The following NHSL2 variants were observed in gnomAD, a reference collection of about 807,000 sequenced individuals.
NHSL2 encodes the protein NHS like 2, also known as NHS-like protein 2.
Under a neutral mutation model 53.4 loss-of-function variants are expected in NHSL2, and 27 were observed. The observed-to-expected ratio is 0.51, with a 90% CI of 0.37 to 0.70. The LOEUF is 0.70. NHSL2 is among the 30% of genes least tolerant of loss of function. The pLI, the probability that NHSL2 is intolerant of heterozygous loss-of-function variation, is 0.00. For synonymous variants in NHSL2, 408 were observed against 404.1 expected (o/e 1.01, Z -0.12); for missense variants, 892 against 980.1 (o/e 0.91, Z 1.20).
intron 1 of NHSL2, among the ~76,000 whole-genome samples, chrX:72,001,908 A>C (rs1388125213): frequency 8.9e-6 from 1 of 112,546 alleles, no homozygotes. Context: ...TATTTTGACA[A>C]ATTTATCATC....
intron 1 of NHSL2, among the ~76,000 whole-genome samples, chrX:71,943,078 C>T (rs2041776067): frequency 9.2e-6 from 1 of 108,441 alleles, no homozygotes; most frequent in Non-Finnish European, 1.9e-5. Context: ...GAATCTTGAA[C>T]AAGTCCTGTT....
chrX:71,936,743 G>T lies in NHSL2; in HGVS notation c.280+25376G>T, dbSNP rs187973224. On this transcript the variant is annotated intron_variant, in intron 1 of 7. Coordinates refer to ENST00000633930, the MANE Select transcript of NHSL2 (RefSeq NM_001013627.3). Reference sequence around the variant, plus strand: ...AGAGTGATGATGGTGGTGTGTGTGTGTAGTGGGGGGAGTTTGAACTGGAAG... The same window carrying T: ...AGAGTGATGATGGTGGTGTGTGTGTTTAGTGGGGGGAGTTTGAACTGGAAG... Among the ~76,000 whole-genome samples the T allele has an allele frequency of 1.9e-3, 214 of 112,039 alleles. 1 individual carries two copies. Among genetic ancestry groups the T allele is most frequent in the African/African-American group, 6.7e-3 (207 of 30,837 alleles).
At chrX:72,057,387 A>G (rs2042375361) in intron 1 of NHSL2, among the ~76,000 whole-genome samples, 1 of 112,304 alleles carries the variant, frequency 8.9e-6, no homozygotes, top group African/African-American at 3.2e-5. Flanking sequence ...TTTAATTTAC[A>G]TAAATAGTAT....
rs1346224055 is a variant in NHSL2, at chrX:72,151,122, C to A, written c.*7548C>A. On this transcript the variant is annotated 3_prime_UTR_variant, in exon 8 of 8. Transcript: ENST00000633930. ...CTCCACCTCCCGGGTTCAGGCAATTCTCCTGCCTCAGCTTCCCGAGTAGCT... is the reference window on the plus strand; with the variant it reads ...CTCCACCTCCCGGGTTCAGGCAATTATCCTGCCTCAGCTTCCCGAGTAGCT... 2 of 110,942 alleles carry A rather than the reference C, an allele frequency of 1.8e-5. No individual in the cohort carries two copies. The highest frequency in any genetic ancestry group is 3.8e-5 in the Non-Finnish European group (2 of 53,014). The allele number at this position is 110,942 out of a possible 1,213,427, so 9.1% of individuals were successfully genotyped here.
chrX:71,983,059 G>A (rs2041986812), intron 1 of NHSL2, among the ~76,000 whole-genome samples: 1 of 111,486 alleles, frequency 9.0e-6, no homozygotes, highest in African/African-American at 3.3e-5. Context: ...GAAGACATCT[G>A]TGTCTACTGT....
intron 1 of NHSL2, among the ~76,000 whole-genome samples, chrX:71,997,438 C>T (rs780491829): frequency 8.0e-5 from 9 of 112,564 alleles, no homozygotes; most frequent in Admixed American, 3.7e-4. Flanking sequence ...GCCCTCCACA[C>T]GTCCTCTGAA....
chrX:72,084,724 C>T (rs955275525), intron 1 of NHSL2, among the ~76,000 whole-genome samples: 20 of 112,185 alleles, frequency 1.8e-4, no homozygotes, highest in African/African-American at 4.2e-4. Flanking sequence ...GTCCACCACA[C>T]GGGTCTGGTC....
At chrX:72,056,553 C>T (rs1468556575) in intron 1 of NHSL2, among the ~76,000 whole-genome samples, 2 of 90,759 alleles carry the variant, frequency 2.2e-5, no homozygotes, top group African/African-American at 1.1e-4. Context: ...AACGTCTGCG[C>T]ACACACACAC....
At chrX:72,080,571 C>CGGGTGTGT (rs2041782375) in intron 1 of NHSL2, among the ~76,000 whole-genome samples, 1 of 97,110 alleles carries the variant, frequency 1.0e-5, no homozygotes, top group Non-Finnish European at 2.1e-5. Context: ...GAATTCTGCA[C>CGGGTGTGT]GTGTGTGTGT....
At chrX:72,142,485 A>T (rs759557337) in intron 7 of NHSL2, 121 bp downstream of exon 7, 349 of 565,974 alleles carry the variant, frequency 6.2e-4, no homozygotes, top group Non-Finnish European at 8.8e-4. Context: ...TAAAAATAAG[A>T]AAAACTGCTA....
chrX:72,138,692 G>A lies in NHSL2; in HGVS notation c.1144G>A (p.Gly382Arg). Residue 382 changes from glycine (G) to arginine (R), a missense_variant, in exon 6 of 8, where the codon GGA (glycine) becomes AGA (arginine). Coordinates refer to ENST00000633930, the MANE Select transcript of NHSL2 (RefSeq NM_001013627.3). Reference sequence around the variant, plus strand: ...GTACAGTGTCCCCAGTTCTTGCAATGGACCTACAGAATCAACCTTCTCCAC... The same window carrying A: ...GTACAGTGTCCCCAGTTCTTGCAATAGACCTACAGAATCAACCTTCTCCAC... ...MVYSVPSSCN[G>R]PTESTFSTSW... is the part of the protein sequence containing the mutation. 8.3e-7 allele frequency: 1 copy of A among 1,197,672 alleles called. No individual in the cohort carries two copies. Among genetic ancestry groups the A allele is most frequent in the South Asian group, 1.8e-5 (1 of 54,768 alleles).
intron 1 of NHSL2, among the ~76,000 whole-genome samples, chrX:72,081,225 G>C (rs957173648): frequency 8.9e-6 from 1 of 112,314 alleles, no homozygotes; most frequent in African/African-American, 3.2e-5. Flanking sequence ...TGGTCTTCAG[G>C]TCTTTGAGGG....
chrX:71,962,269 T>C (rs2041870959), intron 1 of NHSL2, among the ~76,000 whole-genome samples: 1 of 111,961 alleles, frequency 8.9e-6, no homozygotes, highest in African/African-American at 3.2e-5. Flanking sequence ...TATTGATCTG[T>C]AGTTCCTTTT....
intron 1 of NHSL2, chrX:72,131,486 G>T (rs1189319953): frequency 8.3e-7 from 1 of 1,204,637 alleles, no homozygotes; most frequent in East Asian, 3.0e-5. Context: ...AATTCTTCGC[G>T]CAGGGCCACA....
chrX:71,928,669 C>T (rs1367079173), intron 1 of NHSL2, among the ~76,000 whole-genome samples: 2 of 111,109 alleles, frequency 1.8e-5, no homozygotes, highest in African/African-American at 6.6e-5. Context: ...GTGCCAAGGT[C>T]GAGGGGCACC....
intron 1 of NHSL2, among the ~76,000 whole-genome samples, chrX:72,081,938 C>T (rs1199426412): frequency 1.8e-5 from 2 of 111,883 alleles, no homozygotes; most frequent in South Asian, 3.7e-4. Context: ...CCAGCAGAGC[C>T]GCGACCTCGA....
intron 1 of NHSL2, among the ~76,000 whole-genome samples, chrX:72,046,515 G>A (rs1447139471): frequency 1.8e-5 from 2 of 112,068 alleles, no homozygotes; most frequent in Admixed American, 9.4e-5. Context: ...AAAGTGAGCC[G>A]GCAGTGCTCA....
intron 1 of NHSL2, among the ~76,000 whole-genome samples, chrX:72,071,567 TC>T (rs777793476): frequency 1.0e-4 from 11 of 110,156 alleles, no homozygotes; most frequent in Non-Finnish European, 1.9e-4. Flanking sequence ...CATAACTGCT[TC>T]TCCCTCCCTC....
At chrX:72,089,633 A>T (rs767394313) in intron 1 of NHSL2, among the ~76,000 whole-genome samples, 1 of 110,916 alleles carries the variant, frequency 9.0e-6, no homozygotes, top group Non-Finnish European at 1.9e-5. Flanking sequence ...GAAAGTGTGA[A>T]GGGGCAGTGG....
Sources: allele counts gnomAD v4.1 joint callset (sites outside exome capture counted in the v4.1 genomes callset), GRCh38; gene constraint gnomAD v4.1.1; transcripts MANE v1.5; gene names NCBI Gene and HGNC (gene_info 2026-07-23, HGNC 2026-07-21).